The following TRDN variants were observed in gnomAD, a reference collection of about 807,000 sequenced individuals.
The protein encoded by TRDN is triadin, also known as triadin in skeletal muscle.
TRDN carries 161 observed loss-of-function variants against 149.7 expected under a neutral mutation model. That is an observed-to-expected ratio of 1.08 (90% CI 0.95 to 1.23). The LOEUF (loss-of-function observed/expected upper bound fraction) is 1.23. Among genes scored for constraint, TRDN ranks in the 50% most tolerant of loss-of-function variants. The probability of loss-of-function intolerance (pLI) is 0.00; values close to 1 mark genes in which losing one functional copy is unlikely to be tolerated. For synonymous variants in TRDN, 294 were observed against 250.5 expected, an observed-to-expected ratio of 1.17 and a Z score of -1.64; for missense variants, 896 against 823.5, an observed-to-expected ratio of 1.09 and a Z score of -1.08.
At chr6:123,259,357 A>G (rs1195597317) in intron 35 of TRDN, among the ~76,000 whole-genome samples, 1 of 152,098 alleles carries the variant, frequency 6.6e-6, no homozygotes, top group East Asian at 1.9e-4. Context: ...TAATATGAAA[A>G]GAAGTCTGTA....
intron 14 of TRDN, 23 bp from the exon 15 acceptor site, chr6:123,382,170 T>C: frequency 6.8e-7 from 1 of 1,468,346 alleles, no homozygotes; most frequent in Non-Finnish European, 9.1e-7. Context: ...AGATAAATTA[T>C]TAATAAAACA....
intron 2 of TRDN, among the ~76,000 whole-genome samples, chr6:123,555,507 C>T (rs1047386498): frequency 4.6e-5 from 7 of 152,168 alleles, no homozygotes; most frequent in Middle Eastern, 3.4e-3. Flanking sequence ...ACTGGAATTA[C>T]ATATTTTCTT....
At chr6:123,447,812 A>T (rs2114639612) in intron 10 of TRDN, among the ~76,000 whole-genome samples, 1 of 151,854 alleles carries the variant, frequency 6.6e-6, no homozygotes, top group Non-Finnish European at 1.5e-5. Context: ...TTAGCTCCAG[A>T]TCAACTGCAA....
chr6:123,586,186 C>T (rs959142772), intron 1 of TRDN, among the ~76,000 whole-genome samples: 1 of 152,100 alleles, frequency 6.6e-6, no homozygotes, highest in African/African-American at 2.4e-5. Flanking sequence ...CCTTTAGCTT[C>T]AGCCACCTTT....
chr6:123,354,135 C>T (rs905214233), intron 20 of TRDN, among the ~76,000 whole-genome samples: 97 of 151,874 alleles, frequency 6.4e-4, no homozygotes, highest in Middle Eastern at 3.4e-3. Flanking sequence ...CTGAAATTAT[C>T]AAATTCCCTT....
chr6:123,239,114 C>T (rs1775895945), intron 38 of TRDN, among the ~76,000 whole-genome samples: 1 of 152,160 alleles, frequency 6.6e-6, no homozygotes, highest in Non-Finnish European at 1.5e-5. Flanking sequence ...GCTGGGATTA[C>T]AGGCGTGAGC....
intron 23 of TRDN, among the ~76,000 whole-genome samples, chr6:123,327,460 A>G (rs752551518): frequency 6.6e-6 from 1 of 152,102 alleles, no homozygotes; most frequent in Non-Finnish European, 1.5e-5. Flanking sequence ...TCACTTCCAG[A>G]TAGGAAAAGG....
chr6:123,322,139 T>C (rs756524836), intron 23 of TRDN, among the ~76,000 whole-genome samples: 5 of 152,220 alleles, frequency 3.3e-5, no homozygotes, highest in Non-Finnish European at 7.3e-5. Flanking sequence ...TCCCTGATTA[T>C]CTTTCTGAAT....
chr6:123,309,406 A>T (rs1778731941), intron 24 of TRDN, among the ~76,000 whole-genome samples: 1 of 151,976 alleles, frequency 6.6e-6, no homozygotes, highest in African/African-American at 2.4e-5. Flanking sequence ...AGTAGAAAGC[A>T]TCATTTCTGT....
At chr6:123,442,220 C>T (rs1251677951) in intron 10 of TRDN, 1 of 152,186 alleles carries the variant, frequency 6.6e-6, no homozygotes, top group African/African-American at 2.4e-5. Context: ...GGGCAATGTG[C>T]TATGGCACAC....
At chr6:123,407,161 G>A (rs1443540227) in intron 12 of TRDN, among the ~76,000 whole-genome samples, 3 of 152,158 alleles carry the variant, frequency 2.0e-5, no homozygotes, top group Admixed American at 6.5e-5. Context: ...AAGCTATAGT[G>A]TCTGTTCCTG....
At chr6:123,385,883 A>G (rs892017589) in intron 14 of TRDN, among the ~76,000 whole-genome samples, 2 of 152,154 alleles carry the variant, frequency 1.3e-5, no homozygotes, top group Non-Finnish European at 1.5e-5. Flanking sequence ...AGGACAGTCA[A>G]TAGCTGATTA....
At chr6:123,512,075 T>C (rs1269772613) in intron 7 of TRDN, among the ~76,000 whole-genome samples, 2 of 151,816 alleles carry the variant, frequency 1.3e-5, no homozygotes, top group Non-Finnish European at 2.9e-5. Context: ...CTCAAAATTC[T>C]GTCTACCACA....
intron 1 of TRDN, among the ~76,000 whole-genome samples, chr6:123,587,596 G>A (rs941353377): frequency 1.3e-5 from 2 of 152,122 alleles, no homozygotes; most frequent in Admixed American, 6.5e-5. Flanking sequence ...TCTGAGTCGC[G>A]GCACCAAATT....
chr6:123,405,680 T>C (rs1416145464), intron 12 of TRDN, among the ~76,000 whole-genome samples: 1 of 152,138 alleles, frequency 6.6e-6, no homozygotes, highest in Non-Finnish European at 1.5e-5. Context: ...TTAGTAATTC[T>C]CATCTTTCAA....
chr6:123,502,561 A>T, intron 8 of TRDN: 2 of 984,316 alleles, frequency 2.0e-6, no homozygotes, highest in Non-Finnish European at 2.4e-6. Flanking sequence ...ATGTGAATCA[A>T]AGTTTACAAA....
At chr6:123,580,770 T>C (rs1783082460) in intron 1 of TRDN, among the ~76,000 whole-genome samples, 1 of 152,214 alleles carries the variant, frequency 6.6e-6, no homozygotes, top group East Asian at 1.9e-4. Context: ...TCTATGTAAA[T>C]AAAGCCTCAA....
intron 1 of TRDN, among the ~76,000 whole-genome samples, chr6:123,634,528 G>C (rs1786189607): frequency 1.3e-5 from 2 of 151,908 alleles, no homozygotes; most frequent in Non-Finnish European, 2.9e-5. Context: ...AAAATAGCCT[G>C]TACCAAGGCA....
intron 9 of TRDN, among the ~76,000 whole-genome samples, chr6:123,476,793 AAAAC>A (rs1167528839): frequency 6.6e-6 from 1 of 151,130 alleles, no homozygotes; most frequent in African/African-American, 2.4e-5. Flanking sequence ...AAACCTGAGA[AAAAC>A]AAGCAATGGG....
Sources: allele counts gnomAD v4.1 joint callset (sites outside exome capture counted in the v4.1 genomes callset), GRCh38; gene constraint gnomAD v4.1.1; transcripts MANE v1.5; gene names NCBI Gene and HGNC (gene_info 2026-07-23, HGNC 2026-07-21).